The following ASPHD1 variants were observed in gnomAD, a reference collection of about 807,000 sequenced individuals.
ASPHD1 encodes the protein aspartate beta-hydroxylase domain-containing protein 1.
In ASPHD1, 20 loss-of-function variants were observed where a neutral mutation model predicts 28.3. The observed-to-expected ratio is 0.71, with a 90% CI of 0.50 to 1.03. The LOEUF (loss-of-function observed/expected upper bound fraction) is 1.03, where lower values mean the gene tolerates loss of function less well. Ranked by LOEUF, ASPHD1 falls within the 50% of genes least tolerant of loss-of-function variation. The probability of loss-of-function intolerance (pLI) is 0.00; values close to 1 mark genes in which losing one functional copy is unlikely to be tolerated. For synonymous variants in ASPHD1, 240 were observed against 221.2 expected, an observed-to-expected ratio of 1.08 and a Z score of -0.75; for missense variants, 479 against 524.1, an observed-to-expected ratio of 0.91 and a Z score of 0.84.
downstream of ASPHD1, chr16:29,906,406 T>C (rs2068613135): frequency 3.1e-6 from 1 of 325,478 alleles, no homozygotes. Context: ...TGAAACAGAC[T>C]GATAACGCTG....
chr16:29,909,540 T>C (rs1179523119), downstream of ASPHD1, among the ~76,000 whole-genome samples: 1 of 152,094 alleles, frequency 6.6e-6, no homozygotes, highest in Non-Finnish European at 1.5e-5. Context: ...CCCGGTACAG[T>C]ACTTAGCACA....
downstream of ASPHD1, among the ~76,000 whole-genome samples, chr16:29,908,223 G>C (rs1270204138): frequency 6.6e-6 from 1 of 152,116 alleles, no homozygotes; most frequent in East Asian, 1.9e-4. Flanking sequence ...AGTGCACCCA[G>C]TGTCTTACTG....
chr16:29,901,303 G>T lies in ASPHD1; in HGVS notation c.332G>T (p.Arg111Leu). The change falls in exon 1 of 3, where the codon CGA becomes CTA. Residue 111 changes from arginine to leucine, a missense_variant. By Grantham distance (102) the Arg-to-Leu change is moderately radical (BLOSUM62 -2). Transcript: ENST00000308748. The surrounding 1 kb of genome is among the most constrained non-coding windows in gnomAD (Gnocchi z 5.1). The part of the protein sequence containing the change: ...QDMQALGAGS[R>L]AGGVRGGPVG... ...ATGCAGGCCCTAGGGGCTGGGAGCC[G>T]AGCTGGGGGTGTTCGTGGTGGGCCT... The T allele has an allele frequency of 6.2e-7, 1 of 1,611,454 alleles. No individual in the cohort carries two copies. The highest frequency in any genetic ancestry group is 8.5e-7 in the Non-Finnish European group (1 of 1,179,382).
chr16:29,900,742 G>A lies in ASPHD1; in HGVS notation c.-230G>A, dbSNP rs1415980003. 8.4e-6 allele frequency: 5 copies of A among 591,762 alleles called. No homozygotes were observed. The highest frequency in any genetic ancestry group is 3.7e-5 in the African/African-American group (2 of 53,396). The allele number at this position is 591,762 out of a possible 1,614,324, so 36.7% of individuals were successfully genotyped here. On this transcript the variant is annotated 5_prime_UTR_variant, in exon 1 of 3. Coordinates refer to ENST00000308748, the MANE Select transcript of ASPHD1 (RefSeq NM_181718.4). ...TCCCGGGACTGCAGGTCCAGGCAGG[G>A]TAGGAACCGCTGCCCAGGGGAGCTA...
chr16:29,902,050 C>A lies in ASPHD1; in HGVS notation c.949+130C>A, dbSNP rs958931026. 4.5e-6 allele frequency: 3 copies of A among 668,546 alleles called. No individual in the cohort carries two copies. In the African/African-American group the frequency reaches 5.7e-5, roughly 13 times the overall value. 41.4% of individuals were successfully genotyped at this position (668,546 alleles called of 1,614,324 possible). On this transcript the variant is annotated intron_variant, in intron 1 of 2. Transcript: ENST00000308748. ...CTTCTTCCATGGCTCCCTGTTGCCA[C>A]CCACAGCAGCATTTCCTCAGCCTCG...
chr16:29,908,015 C>G (rs1323582291), downstream of ASPHD1, among the ~76,000 whole-genome samples: 2 of 150,948 alleles, frequency 1.3e-5, no homozygotes, highest in East Asian at 3.9e-4. Flanking sequence ...GAAAGAGATA[C>G]ATCAGGAAAA....
chr16:29,908,987 C>CT (rs1370609043), downstream of ASPHD1, among the ~76,000 whole-genome samples: 1 of 152,100 alleles, frequency 6.6e-6, no homozygotes. Flanking sequence ...GCCATGCACT[C>CT]TAATTATTGG....
chr16:29,901,302 C>T lies in ASPHD1; in HGVS notation c.331C>T (p.Arg111Ter), dbSNP rs1408463250. ...CATGCAGGCCCTAGGGGCTGGGAGCCGAGCTGGGGGTGTTCGTGGTGGGCC... is the reference window on the plus strand; with the variant it reads ...CATGCAGGCCCTAGGGGCTGGGAGCTGAGCTGGGGGTGTTCGTGGTGGGCC... ...QDMQALGAGS[R>*]AGGVRGGPVG... Residue 111 changes from arginine to a stop codon, truncating the protein, a stop_gained, in exon 1 of 3, where the codon CGA becomes TGA. Transcript: ENST00000308748. LOFTEE classifies it high-confidence loss of function. This position sits in a 1 kb window ranked among gnomAD's most constrained non-coding sequence, Gnocchi z 5.1. The T allele has an allele frequency of 2.5e-6, 4 of 1,611,642 alleles. No homozygotes were observed. The highest frequency in any genetic ancestry group is 3.4e-6 in the Non-Finnish European group (4 of 1,179,430).
At chr16:29,902,889 C>CTTTTTT (rs1246460346) in intron 1 of ASPHD1, among the ~76,000 whole-genome samples, 5 of 129,814 alleles carry the variant, frequency 3.9e-5, no homozygotes, top group Non-Finnish European at 1.6e-5. Flanking sequence ...TTTTCTTTTT[C>CTTTTTT]TTTTTTTTTT....
intron 3 of ASPHD1, chr16:29,914,460 G>A (rs930760954): frequency 2.7e-5 from 4 of 147,326 alleles, no homozygotes; most frequent in African/African-American, 1.0e-4. Context: ...TTTTGAAATG[G>A]AGTCTTGCTC....
At chr16:29,916,204 G>A (rs2150839787) in intron 3 of ASPHD1, among the ~76,000 whole-genome samples, 1 of 152,200 alleles carries the variant, frequency 6.6e-6, no homozygotes, top group African/African-American at 2.4e-5. Context: ...AGCCCTTATT[G>A]CAGCTGTCTT....
downstream of ASPHD1, among the ~76,000 whole-genome samples, chr16:29,909,890 C>T (rs4788189): frequency 0.52 from 77,923 of 151,026 alleles, 20,389 homozygotes; most frequent in Non-Finnish European, 0.55. Flanking sequence ...ACCAACATGG[C>T]GAAGTCTCTA....
intron 3 of ASPHD1, among the ~76,000 whole-genome samples, chr16:29,917,811 C>T (rs558808820): frequency 6.6e-6 from 1 of 151,526 alleles, no homozygotes; most frequent in South Asian, 2.1e-4. Context: ...AGCCAGGTGT[C>T]ATGGTGCACG....
intron 3 of ASPHD1, chr16:29,914,527 T>C (rs112698693): frequency 0.065 from 9,797 of 151,230 alleles, 1,043 homozygotes; most frequent in African/African-American, 0.22. Context: ...AAAACTCTGC[T>C]TCCCAGGTTC....
chr16:29,905,980 A>T lies in ASPHD1; in HGVS notation c.*83A>T. The T allele has an allele frequency of 1.7e-6, 1 of 578,450 alleles. No individual in the cohort carries two copies. Among genetic ancestry groups the T allele is most frequent in the Non-Finnish European group, 3.0e-6 (1 of 338,204 alleles). 35.8% of individuals were successfully genotyped at this position (578,450 alleles called of 1,614,324 possible). A position where few individuals can be genotyped will look rare whatever the true frequency, so the allele number is the denominator to read the frequency against. On this transcript the variant is annotated 3_prime_UTR_variant, in exon 3 of 3. Transcript: ENST00000308748. Reference sequence around the variant, plus strand: ...TGATGGTAGCCAGGACCTCCTCTCTACTGCGGGGGTGGGCGGGGGCGGAGG... The same window carrying T: ...TGATGGTAGCCAGGACCTCCTCTCTTCTGCGGGGGTGGGCGGGGGCGGAGG...
downstream of ASPHD1, among the ~76,000 whole-genome samples, chr16:29,909,228 G>A (rs750912900): frequency 5.3e-5 from 8 of 152,164 alleles, no homozygotes; most frequent in Admixed American, 1.3e-4. Flanking sequence ...CTTTAGCTAT[G>A]AAGGGAGTGT....
chr16:29,916,381 G>A (rs10083738), intron 3 of ASPHD1, among the ~76,000 whole-genome samples: 64,019 of 152,070 alleles, frequency 0.42, 14,997 homozygotes, highest in Non-Finnish European at 0.53. Context: ...GAACCACTGT[G>A]CCCAGCCAAT....
chr16:29,912,336 T>A (rs747337639), intron 3 of ASPHD1: 58 of 508,108 alleles, frequency 1.1e-4, no homozygotes, highest in Non-Finnish European at 1.9e-4. Flanking sequence ...GGCGTGTCCG[T>A]CATGCCATTC....
At chr16:29,905,742 G>A (rs1208758265) in intron 2 of ASPHD1, 46 bp from the exon 3 acceptor site, 8 of 1,392,440 alleles carry the variant, frequency 5.7e-6, no homozygotes, top group Non-Finnish European at 8.1e-6. Flanking sequence ...TGGTGTGCAA[G>A]TACCTAATGT....
Sources: allele counts gnomAD v4.1 joint callset (sites outside exome capture counted in the v4.1 genomes callset), GRCh38; gene constraint gnomAD v4.1.1; non-coding constraint Gnocchi (gnomAD v3.1); transcripts MANE v1.5; gene names NCBI Gene and HGNC (gene_info 2026-07-23, HGNC 2026-07-21).